Variants in ZFAND4 observed in about 807,000 individuals in gnomAD.
ZFAND4 encodes AN1-type zinc finger protein 4.
In ZFAND4, 43 loss-of-function variants were observed where a neutral mutation model predicts 64.4. That is an observed-to-expected ratio of 0.67 (90% CI 0.52 to 0.86). The LOEUF is 0.86. ZFAND4 is among the 40% of genes least tolerant of loss of function. ZFAND4 has a pLI of 0.00. For missense variants in ZFAND4, 929 were observed against 859.8 expected, an observed-to-expected ratio of 1.08 and a Z score of -1.01; for synonymous variants, 296 against 305.7, an observed-to-expected ratio of 0.97 and a Z score of 0.33.
At chr10:45,621,804 A>G (rs540835017) in intron 8 of ZFAND4, among the ~76,000 whole-genome samples, 9 of 152,182 alleles carry the variant, frequency 5.9e-5, no homozygotes, top group African/African-American at 1.9e-4. Context: ...ACAAAAGTAA[A>G]AATTTATAAC....
At position 45,640,035 on chromosome 10, in the gene ZFAND4, A is replaced by G. The variant is rs1014048039; in HGVS notation, c.570-72T>C. The G allele has an allele frequency of 3.4e-6, 5 of 1,489,078 alleles. No individual in the cohort carries two copies. The African/African-American group carries it at 7.1e-5, about 21-fold the overall frequency. The allele number at this position is 1,489,078 out of a possible 1,614,324, so 92.2% of individuals were successfully genotyped here. A position where few individuals can be genotyped will look rare whatever the true frequency, so the allele number is the denominator to read the frequency against. ...AGTGACTAAAAATGCTCTATATGAA[A>G]CAGCAATCTATAGAAGTTACTAATG... On this transcript the variant is annotated intron_variant, in intron 5 of 9. Coordinates refer to ENST00000344646, the MANE Select transcript of ZFAND4 (RefSeq NM_174890.4).
At chr10:45,631,014 T>C (rs948733745) in intron 6 of ZFAND4, among the ~76,000 whole-genome samples, 14 of 150,520 alleles carry the variant, frequency 9.3e-5, no homozygotes, top group Admixed American at 6.6e-5. Context: ...ATGTTCTAAC[T>C]TATGTATAAA....
intron 6 of ZFAND4, among the ~76,000 whole-genome samples, chr10:45,632,608 A>G (rs2046302471): frequency 6.6e-6 from 1 of 152,296 alleles, no homozygotes; most frequent in African/African-American, 2.4e-5. Context: ...GCAGATCAAG[A>G]ACATGATAAA....
At position 45,663,828 on chromosome 10, in the gene ZFAND4, T is replaced by C; in HGVS notation, c.-103A>G. On this transcript the variant is annotated 5_prime_UTR_variant, in exon 2 of 10. Transcript: ENST00000344646. ...TTGGTAATATATATTGTTGTTCATG[T>C]TTTGAGTTTTGTACCTAAAAAAACA... The C allele has an allele frequency of 9.8e-7, 1 of 1,020,332 alleles. No homozygotes were observed. The highest frequency in any genetic ancestry group is 1.3e-6 in the Non-Finnish European group (1 of 744,400). The allele number at this position is 1,020,332 out of a possible 1,614,324, so 63.2% of individuals were successfully genotyped here. A position where few individuals can be genotyped will look rare whatever the true frequency, so the allele number is the denominator to read the frequency against.
At chr10:45,647,732 G>A (rs1008515173) in intron 5 of ZFAND4, among the ~76,000 whole-genome samples, 2 of 152,058 alleles carry the variant, frequency 1.3e-5, no homozygotes, top group African/African-American at 4.8e-5. Flanking sequence ...TCAGTGAATG[G>A]CCATAAAAGT....
chr10:45,620,408 G>A (rs1158472865), intron 8 of ZFAND4, among the ~76,000 whole-genome samples: 5 of 152,112 alleles, frequency 3.3e-5, no homozygotes, highest in African/African-American at 9.7e-5. Context: ...TTCAACCCGC[G>A]AGGAAGAGGT....
chr10:45,654,238 A>G (rs2133804554), intron 2 of ZFAND4, among the ~76,000 whole-genome samples: 1 of 152,298 alleles, frequency 6.6e-6, no homozygotes, highest in South Asian at 2.1e-4. Context: ...GTGACAGGAT[A>G]ATTCATACAC....
intron 1 of ZFAND4, among the ~76,000 whole-genome samples, chr10:45,668,718 C>T (rs1458675487): frequency 6.6e-6 from 1 of 152,206 alleles, no homozygotes; most frequent in Non-Finnish European, 1.5e-5. Flanking sequence ...ACAGTGCAAT[C>T]AAATTATAAC....
In ZFAND4 at chr10:45,644,668, T is replaced by C. The variant is rs117679659; in HGVS notation, c.569+3626A>G. Among the ~76,000 whole-genome samples the C allele has an allele frequency of 2.6e-3, 403 of 152,318 alleles. 2 individuals carry two copies. The highest frequency in any genetic ancestry group is 0.018 in the South Asian group (87 of 4,826). ...CAGGGACAATTTCTCAAAAAGTTGATAGAATTGGAAGTAATGTCAACAGCT... is the reference window on the plus strand; with the variant it reads ...CAGGGACAATTTCTCAAAAAGTTGACAGAATTGGAAGTAATGTCAACAGCT... On this transcript the variant is annotated intron_variant, in intron 5 of 9. Coordinates refer to ENST00000344646, the MANE Select transcript of ZFAND4 (RefSeq NM_174890.4).
chr10:45,652,981 C>A lies in ZFAND4; in HGVS notation c.260+3G>T, dbSNP rs1172234081. The stretch of plus-strand genomic sequence containing the variant: ...AAAACAGCCAATATGCAATTACACT[C>A]ACTTGTAATCATTCAAGCAATAATC... On this transcript the variant is annotated splice_donor_region_variant and intron_variant, in intron 3 of 9. Transcript: ENST00000344646. 3.7e-6 allele frequency: 6 copies of A among 1,605,824 alleles called. No individual in the cohort carries two copies. Among genetic ancestry groups the A allele is most frequent in the South Asian group, 1.1e-5 (1 of 90,150 alleles).
intron 8 of ZFAND4, among the ~76,000 whole-genome samples, chr10:45,622,282 T>C (rs1186722046): frequency 2.0e-5 from 3 of 151,992 alleles, no homozygotes; most frequent in Non-Finnish European, 4.4e-5. Context: ...AATAAGAAAA[T>C]GGGATGTTCA....
Position 45,636,802 on chromosome 10 carries a change from C to T in ZFAND4, c.717+3014G>A, listed in dbSNP as rs185434077. Among the ~76,000 whole-genome samples, 193 of 152,192 alleles carry T rather than the reference C, an allele frequency of 1.3e-3. 1 individual carries two copies. Among genetic ancestry groups the T allele is most frequent in the African/African-American group, 4.3e-3 (178 of 41,532 alleles). ...AGGTTGATTAGTGTTGTTCAAGTCT[C>T]CTAAATCCTTCACTGATTTTCTATC... On this transcript the variant is annotated intron_variant, in intron 6 of 9. Transcript: ENST00000344646.
At chr10:45,642,066 G>A (rs888711696) in intron 5 of ZFAND4, among the ~76,000 whole-genome samples, 1 of 152,144 alleles carries the variant, frequency 6.6e-6, no homozygotes, top group Non-Finnish European at 1.5e-5. Context: ...ACCTGAAGAA[G>A]GGTGCATGAA....
At chr10:45,644,781 A>C (rs1268278790) in intron 5 of ZFAND4, among the ~76,000 whole-genome samples, 1 of 152,136 alleles carries the variant, frequency 6.6e-6, no homozygotes, top group African/African-American at 2.4e-5. Flanking sequence ...GTCAATACCA[A>C]GTTTGAAGTG....
intron 9 of ZFAND4, among the ~76,000 whole-genome samples, chr10:45,617,591 G>GAAAAAAAA (rs11362238): frequency 1.4e-5 from 1 of 71,080 alleles, no homozygotes; most frequent in South Asian, 5.1e-4. Context: ...TTACAGTACT[G>GAAAAAAAA]AAAAAAAAAA....
At chr10:45,657,545 T>C (rs566161153) in intron 2 of ZFAND4, among the ~76,000 whole-genome samples, 27 of 152,346 alleles carry the variant, frequency 1.8e-4, no homozygotes, top group African/African-American at 5.3e-4. Context: ...TTTATAAAGT[T>C]AACTATATAC....
intron 5 of ZFAND4, among the ~76,000 whole-genome samples, chr10:45,641,259 C>T (rs1362585933): frequency 6.6e-6 from 1 of 152,114 alleles, no homozygotes; most frequent in Non-Finnish European, 1.5e-5. Context: ...AAGCTTGGCA[C>T]ATTTGGAAAA....
intron 5 of ZFAND4, chr10:45,640,327 G>GACAAC (rs1220797103): frequency 1.1e-5 from 14 of 1,252,472 alleles, no homozygotes; most frequent in Non-Finnish European, 1.4e-5. Flanking sequence ...GTGCAACCCA[G>GACAAC]ACAACAGGCT....
Position 45,626,572 on chromosome 10 carries a change from T to A in ZFAND4, c.1251A>T (p.Glu417Asp). 6.2e-7 allele frequency: 1 copy of A among 1,614,178 alleles called. No individual in the cohort carries two copies. ...ACTCCAGATTCACTTTGCACGCACC[T>A]TCTAAGCCGCTGCTCTGTTCATCAG... is the stretch of plus-strand genomic sequence containing the variant. ...GNADEQSSGL[E>D]GACKVNLELL... Residue 417 changes from glutamate to aspartate, a missense_variant, in exon 7 of 10, where the codon GAA (glutamate) becomes GAT (aspartate). Coordinates refer to ENST00000344646, the MANE Select transcript of ZFAND4 (RefSeq NM_174890.4).
Sources: gnomAD v4.1 joint callset for allele counts (sites outside exome capture counted in the v4.1 genomes callset) on GRCh38, gnomAD v4.1.1 for gene constraint, MANE v1.5 for transcripts, NCBI Gene and HGNC (gene_info 2026-07-23, HGNC 2026-07-21) for gene names.